The following OR10J1 variants were observed in gnomAD, a reference collection of about 807,000 sequenced individuals.
OR10J1 encodes olfactory receptor family 10 subfamily J member 1.
For missense variants in OR10J1, 474 were observed against 376.6 expected, an observed-to-expected ratio of 1.26 and a Z score of -2.14; for synonymous variants, 202 against 143.8, an observed-to-expected ratio of 1.40 and a Z score of -2.89.
chr1:159,422,757 C>T, the OR10J1 span, among the ~76,000 whole-genome samples: 638 of 152,264 alleles, frequency 4.2e-3, 12 homozygotes, highest in Middle Eastern at 6.8e-3. Context: ...ATGTAAGTTT[C>T]GAACCTTACT....
the OR10J1 span, among the ~76,000 whole-genome samples, chr1:159,418,817 T>C: frequency 3.3e-5 from 5 of 152,156 alleles, no homozygotes; most frequent in African/African-American, 1.2e-4. Context: ...GAAGGGAGGT[T>C]GTACCTTGCA....
chr1:159,440,046 C>T lies in OR10J1; in HGVS notation c.255C>T (p.Leu85=), dbSNP rs778249295. 87 of 1,614,122 alleles carry T rather than the reference C, an allele frequency of 5.4e-5. 1 individual carries two copies. The highest frequency in any genetic ancestry group is 3.3e-4 in the Middle Eastern group (2 of 6,058). Residue 85 remains leucine (L), a synonymous_variant, in exon 1 of 1, where the codon CTC becomes CTT. Coordinates refer to ENST00000423932, the MANE Select transcript of OR10J1 (RefSeq NM_012351.3). ...LVILPRMLSS[L]VGMSQPISLA... ...TTCTCCCAAGAATGCTCTCCAGCCT[C>T]GTAGGTATGAGCCAGCCCATATCAT... is the stretch of plus-strand genomic sequence containing the variant.
chr1:159,402,522 T>A, the OR10J1 span, among the ~76,000 whole-genome samples: 5 of 151,874 alleles, frequency 3.3e-5, no homozygotes, highest in African/African-American at 1.2e-4. Context: ...TAGCCACACA[T>A]AAAATGAATT....
chr1:159,411,862 A>T, the OR10J1 span, among the ~76,000 whole-genome samples: 1 of 152,034 alleles, frequency 6.6e-6, no homozygotes, highest in East Asian at 1.9e-4. Context: ...GAAGGAAATA[A>T]AGGGTATTCA....
the OR10J1 span, among the ~76,000 whole-genome samples, chr1:159,418,642 C>T: frequency 1.3e-5 from 2 of 152,142 alleles, no homozygotes; most frequent in South Asian, 4.1e-4. Flanking sequence ...CAGGAAAATG[C>T]GTGGTTGAAG....
chr1:159,430,640 G>GGGGGGGGT, the OR10J1 span, among the ~76,000 whole-genome samples: 2 of 140,934 alleles, frequency 1.4e-5, no homozygotes, highest in African/African-American at 5.3e-5. Flanking sequence ...AAAAAATTAT[G>GGGGGGGGT]GTGTGTGTGT....
the OR10J1 span, among the ~76,000 whole-genome samples, chr1:159,403,150 G>T: frequency 2.6e-5 from 4 of 152,048 alleles, no homozygotes; most frequent in Non-Finnish European, 5.9e-5. Flanking sequence ...CTCAAACCAT[G>T]AAACTGCTAC....
chr1:159,420,897 T>C, the OR10J1 span, among the ~76,000 whole-genome samples: 1 of 152,150 alleles, frequency 6.6e-6, no homozygotes, highest in Non-Finnish European at 1.5e-5. Context: ...AAATTGTATC[T>C]ATTTGTGAAT....
the OR10J1 span, among the ~76,000 whole-genome samples, chr1:159,427,155 G>C: frequency 1.1e-4 from 17 of 151,430 alleles, no homozygotes; most frequent in Admixed American, 1.1e-3. Flanking sequence ...ATACTACTAC[G>C]GCTTCACAAA....
At chr1:159,405,996 A>G in the OR10J1 span, 12 of 448,062 alleles carry the variant, frequency 2.7e-5, no homozygotes, top group Middle Eastern at 3.9e-4. Flanking sequence ...GCAGAAGACC[A>G]CATAGCAATC....
the OR10J1 span, among the ~76,000 whole-genome samples, chr1:159,428,985 G>A: frequency 8.5e-5 from 13 of 152,304 alleles, no homozygotes; most frequent in Admixed American, 6.5e-4. Flanking sequence ...GTATCCTGGG[G>A]GATTTGATAT....
the OR10J1 span, among the ~76,000 whole-genome samples, chr1:159,422,261 G>A: frequency 1.3e-5 from 2 of 152,136 alleles, no homozygotes; most frequent in Admixed American, 6.5e-5. Flanking sequence ...GGGAGAGACA[G>A]GGTGATCCCT....
the OR10J1 span, among the ~76,000 whole-genome samples, chr1:159,419,746 A>T: frequency 6.6e-6 from 1 of 152,206 alleles, no homozygotes; most frequent in Non-Finnish European, 1.5e-5. Context: ...GTGTCCTAAC[A>T]TATGATCTAT....
chr1:159,399,309 T>G, the OR10J1 span, among the ~76,000 whole-genome samples: 1 of 152,198 alleles, frequency 6.6e-6, no homozygotes, highest in South Asian at 2.1e-4. Context: ...CGATGGCTCA[T>G]GCCTGTAATC....
chr1:159,428,225 A>G, the OR10J1 span, among the ~76,000 whole-genome samples: 3 of 152,204 alleles, frequency 2.0e-5, no homozygotes. Flanking sequence ...TCAGAACAGA[A>G]AAGAGAAAAC....
chr1:159,418,194 G>A, the OR10J1 span, among the ~76,000 whole-genome samples: 12 of 152,312 alleles, frequency 7.9e-5, no homozygotes, highest in East Asian at 2.3e-3. Flanking sequence ...CAAGCCAGCT[G>A]GAGAAGTTTT....
At chr1:159,433,222 T>C, upstream of OR10J1, 1 of 397,182 alleles carries the variant, frequency 2.5e-6, no homozygotes, top group Non-Finnish European at 4.4e-6. Flanking sequence ...AGAGATACTG[T>C]GAAAGCACCA....
At chr1:159,436,764 G>C (rs572020326), upstream of OR10J1, among the ~76,000 whole-genome samples, 53 of 151,964 alleles carry the variant, frequency 3.5e-4, no homozygotes, top group South Asian at 0.011. Context: ...CACTTGAGAG[G>C]CTCTTAAAAG....
rs1655926456 is a variant in OR10J1 at position 159,440,820 on chromosome 1, TA to T, written c.*102del. The stretch of plus-strand genomic sequence containing the variant: ...ACTTGGCTCCTAGAGACCTGCCCCT[TA>T]AATAAGAGGCAAAAGAGGAATAGCA... On this transcript the variant is annotated 3_prime_UTR_variant, in exon 1 of 1. Coordinates refer to ENST00000423932, the MANE Select transcript of OR10J1 (RefSeq NM_012351.3). The T allele has an allele frequency of 1.6e-6, 2 of 1,284,338 alleles. No homozygotes were observed. Among genetic ancestry groups the T allele is most frequent in the East Asian group, 2.3e-5 (1 of 42,736 alleles). 79.6% of individuals were successfully genotyped at this position (1,284,338 alleles called of 1,614,324 possible).
Sources: gnomAD v4.1 joint callset for allele counts (sites outside exome capture counted in the v4.1 genomes callset) on GRCh38, gnomAD v4.1.1 for gene constraint, MANE v1.5 for transcripts, NCBI Gene and HGNC (gene_info 2026-07-23, HGNC 2026-07-21) for gene names.